The following MLYCD variants were observed in gnomAD, a reference collection of about 807,000 sequenced individuals.
MLYCD encodes malonyl-CoA decarboxylase, also known as malonyl-CoA decarboxylase, mitochondrial.
A neutral mutation model predicts 35.8 loss-of-function variants in MLYCD; 27 were observed. The ratio of observed to expected loss-of-function variants is 0.75; its 90% CI spans 0.56 to 1.04. MLYCD has a LOEUF of 1.04. Among genes scored for constraint, MLYCD ranks in the 50% least tolerant of loss-of-function variants. The pLI is 0.00. For synonymous variants in MLYCD, 403 were observed against 302.4 expected (o/e 1.33, Z -3.45); for missense variants, 917 against 665.1 (o/e 1.38, Z -4.17).
chr16:83,913,660 A>G (rs1380288590), intron 4 of MLYCD: 1 of 152,198 alleles, frequency 6.6e-6, no homozygotes, highest in Non-Finnish European at 1.5e-5. Flanking sequence ...TCTACTAAAA[A>G]TATAAAAATT....
At position 83,926,057 on chromosome 16, in the gene MLYCD, C is replaced by T. The variant is rs1329032523; in HGVS notation, c.*10568C>T. ...TCCAATGTGACACTTGCAGAGGGGA[C>T]CCCTGGCCTGGGGCCACGCTGGTTA... On this transcript the variant is annotated 3_prime_UTR_variant, in exon 5 of 5. Transcript: ENST00000262430. The T allele has an allele frequency of 2.6e-5, 4 of 152,284 alleles. No homozygotes were observed. Among genetic ancestry groups the T allele is most frequent in the African/African-American group, 9.6e-5 (4 of 41,466 alleles). The allele number at this position is 152,284 out of a possible 1,614,324, so 9.4% of individuals were successfully genotyped here. A position where few individuals can be genotyped will look rare whatever the true frequency, so the allele number is the denominator to read the frequency against.
chr16:83,906,015 G>A (rs932371042), intron 1 of MLYCD, among the ~76,000 whole-genome samples: 1 of 152,134 alleles, frequency 6.6e-6, no homozygotes, highest in African/African-American at 2.4e-5. Context: ...GCAAAATTAG[G>A]ATAATTTCAT....
intron 4 of MLYCD, chr16:83,912,969 G>A (rs1193670047): frequency 5.9e-6 from 1 of 168,692 alleles, no homozygotes; most frequent in Non-Finnish European, 1.3e-5. Flanking sequence ...GTTCACTCCA[G>A]GCCTAGGCTT....
At position 83,915,787 on chromosome 16, in the gene MLYCD, T is replaced by A; in HGVS notation, c.*298T>A. 7.7e-7 allele frequency: 1 copy of A among 1,303,174 alleles called. No homozygotes were observed. The highest frequency in any genetic ancestry group is 1.5e-5 in the African/African-American group (1 of 66,766). The allele number at this position is 1,303,174 out of a possible 1,614,324, so 80.7% of individuals were successfully genotyped here. A position where few individuals can be genotyped will look rare whatever the true frequency, so the allele number is the denominator to read the frequency against. ...GGCTCCCTGCCCGGGGCTGGTGCTG[T>A]GGTACCTACATCTTCAGGAAGCTGT... On this transcript the variant is annotated 3_prime_UTR_variant, in exon 5 of 5. Coordinates refer to ENST00000262430, the MANE Select transcript of MLYCD (RefSeq NM_012213.3).
chr16:83,914,884 C>T (rs945205675), intron 4 of MLYCD, 72 bp from the exon 5 acceptor site: 5 of 1,602,522 alleles, frequency 3.1e-6, no homozygotes, highest in African/African-American at 2.7e-5. Flanking sequence ...AAGAGGTGCT[C>T]CTCTGTTGGT....
chr16:83,902,074 C>G (rs1262857104), intron 1 of MLYCD, among the ~76,000 whole-genome samples: 7 of 150,090 alleles, frequency 4.7e-5, no homozygotes, highest in Non-Finnish European at 8.9e-5. Context: ...TTCCCTTCCC[C>G]TTCCCTTGTT....
rs1220415502 is a variant in MLYCD, at chr16:83,917,219, CTG to C, written c.*1735_*1736del. On this transcript the variant is annotated 3_prime_UTR_variant, in exon 5 of 5. Coordinates refer to ENST00000262430, the MANE Select transcript of MLYCD (RefSeq NM_012213.3). ...CACGTCTGTGTGTGCACGAGCGTCTCTGTGTGGATCAGTGCACGTCTGTGTGC... is the reference window on the plus strand; with the variant it reads ...CACGTCTGTGTGTGCACGAGCGTCTCTGTGGATCAGTGCACGTCTGTGTGC... 4 of 140,404 alleles carry C rather than the reference CTG, an allele frequency of 2.8e-5. No homozygotes were observed. Among genetic ancestry groups the C allele is most frequent in the African/African-American group, 6.1e-5 (2 of 32,804 alleles). The allele number at this position is 140,404 out of a possible 1,614,324, so 8.7% of individuals were successfully genotyped here.
chr16:83,915,802 C>T lies in MLYCD; in HGVS notation c.*313C>T, dbSNP rs982291184. 7.8e-7 allele frequency: 1 copy of T among 1,275,112 alleles called. No individual in the cohort carries two copies. The highest frequency in any genetic ancestry group is 1.6e-5 in the South Asian group (1 of 63,002). 79.0% of individuals were successfully genotyped at this position (1,275,112 alleles called of 1,614,324 possible). A position where few individuals can be genotyped will look rare whatever the true frequency, so the allele number is the denominator to read the frequency against. ...GCTGGTGCTGTGGTACCTACATCTT[C>T]AGGAAGCTGTGCAGCCTCTGCCATT... On this transcript the variant is annotated 3_prime_UTR_variant, in exon 5 of 5. Transcript: ENST00000262430.
intron 1 of MLYCD, among the ~76,000 whole-genome samples, chr16:83,905,656 G>A (rs754886282): frequency 6.6e-6 from 1 of 152,218 alleles, no homozygotes; most frequent in Admixed American, 6.5e-5. Context: ...TGGGCCAAGG[G>A]CCTGCTCCTG....
At chr16:83,903,469 T>TCCATGACTTTATCCTCCCTTCC (rs1241514673) in intron 1 of MLYCD, among the ~76,000 whole-genome samples, 2 of 152,216 alleles carry the variant, frequency 1.3e-5, no homozygotes, top group Non-Finnish European at 1.5e-5. Flanking sequence ...GCTACCCTCA[T>TCCATGACTTTATCCTCCCTTCC]CCATGACTTT....
Position 83,917,259 on chromosome 16 carries a change from GTC to G in MLYCD, c.*1774_*1775del, listed in dbSNP as rs1426810305. On this transcript the variant is annotated 3_prime_UTR_variant, in exon 5 of 5. Coordinates refer to ENST00000262430, the MANE Select transcript of MLYCD (RefSeq NM_012213.3). ...CACGTCTGTGTGCGTGTGCCCGAGC[GTC>G]TCTGTGTGGATCAGTGCACGTCTGT... 1 of 140,564 alleles carries G rather than the reference GTC, an allele frequency of 7.1e-6. No individual in the cohort carries two copies. The highest frequency in any genetic ancestry group is 1.5e-5 in the Non-Finnish European group (1 of 67,494). 8.7% of individuals were successfully genotyped at this position (140,564 alleles called of 1,614,324 possible).
At position 83,926,301 on chromosome 16, in the gene MLYCD, G is replaced by C. The variant is rs1425854203; in HGVS notation, c.*10812G>C. On this transcript the variant is annotated 3_prime_UTR_variant, in exon 5 of 5. Coordinates refer to ENST00000262430, the MANE Select transcript of MLYCD (RefSeq NM_012213.3). The stretch of plus-strand genomic sequence containing the variant: ...CCCAGTTGCCCTGCACTGAACGCTG[G>C]CTTGCCCTAGCTCACTCGGACCCCA... 1 of 152,376 alleles carries C rather than the reference G, an allele frequency of 6.6e-6. No homozygotes were observed. The highest frequency in any genetic ancestry group is 6.5e-5 in the Admixed American group (1 of 15,286). 9.4% of individuals were successfully genotyped at this position (152,376 alleles called of 1,614,324 possible).
chr16:83,902,163 A>G (rs1230431809), intron 1 of MLYCD, among the ~76,000 whole-genome samples: 1,344 of 109,714 alleles, frequency 0.012, 28 homozygotes, highest in Middle Eastern at 0.035. Flanking sequence ...GCGTATATAT[A>G]TATATATATA....
chr16:83,901,140 A>C (rs1229627199), intron 1 of MLYCD, among the ~76,000 whole-genome samples: 2 of 152,194 alleles, frequency 1.3e-5, no homozygotes, highest in African/African-American at 4.8e-5. Flanking sequence ...CTTTGGCCGT[A>C]AGATTCTCAG....
intron 3 of MLYCD, among the ~76,000 whole-genome samples, chr16:83,910,773 T>C (rs1350777926): frequency 1.3e-5 from 2 of 151,800 alleles, no homozygotes; most frequent in South Asian, 2.1e-4. Context: ...AGCTCTTCCA[T>C]AGAGCACGGT....
In MLYCD at chr16:83,908,216, G is replaced by T. The variant is rs2278038; in HGVS notation, c.732G>T (p.Ser244=). ...GGTGTTACTTCTTTTCTCACTGTTC[G>T]ACCCCTGGGGAGCCCCTGGTCGTTT... ...YRRCYFFSHC[S]TPGEPLVVLH... The change falls in exon 3 of 5, where the codon TCG becomes TCT. Residue 244 remains serine (S), a synonymous_variant. Coordinates refer to ENST00000262430, the MANE Select transcript of MLYCD (RefSeq NM_012213.3). The T allele has an allele frequency of 6.2e-7, 1 of 1,614,118 alleles. No homozygotes were observed. The highest frequency in any genetic ancestry group is 8.5e-7 in the Non-Finnish European group (1 of 1,180,026).
chr16:83,913,736 C>T (rs1907265630), intron 4 of MLYCD: 1 of 150,580 alleles, frequency 6.6e-6, no homozygotes, highest in South Asian at 2.1e-4. Context: ...ATCACTTGAA[C>T]CTAGGAGGCG....
At position 83,918,219 on chromosome 16, in the gene MLYCD, A is replaced by G. The variant is rs1907499063; in HGVS notation, c.*2730A>G. ...CTTAACCTTTTGTGAGTTACAGATCACTGAAATTCTGGTGAAAGCCAGGTA... is the reference window on the plus strand; with the variant it reads ...CTTAACCTTTTGTGAGTTACAGATCGCTGAAATTCTGGTGAAAGCCAGGTA... On this transcript the variant is annotated 3_prime_UTR_variant, in exon 5 of 5. Transcript: ENST00000262430. 6.6e-6 allele frequency: 1 copy of G among 152,254 alleles called. No individual in the cohort carries two copies. Among genetic ancestry groups the G allele is most frequent in the African/African-American group, 2.4e-5 (1 of 41,470 alleles). 9.4% of individuals were successfully genotyped at this position (152,254 alleles called of 1,614,324 possible).
At chr16:83,901,450 G>A (rs1002744233) in intron 1 of MLYCD, among the ~76,000 whole-genome samples, 1 of 152,178 alleles carries the variant, frequency 6.6e-6, no homozygotes, top group African/African-American at 2.4e-5. Flanking sequence ...TTTGTGTGGA[G>A]GTGAGTCTGC....
Sources: gnomAD v4.1 joint callset for allele counts (sites outside exome capture counted in the v4.1 genomes callset) on GRCh38, gnomAD v4.1.1 for gene constraint, MANE v1.5 for transcripts, NCBI Gene and HGNC (gene_info 2026-07-23, HGNC 2026-07-21) for gene names.